The following TLL1 variants were observed in gnomAD, a reference collection of about 807,000 sequenced individuals.
TLL1 encodes tolloid like 1.
Under a neutral mutation model 128.2 loss-of-function variants are expected in TLL1, and 49 were observed. The ratio of observed to expected loss-of-function variants is 0.38; its 90% CI spans 0.30 to 0.48. The LOEUF is 0.48. TLL1 is among the 20% of genes least tolerant of loss of function. The pLI is 0.96. For synonymous variants in TLL1, 454 were observed against 418.8 expected (o/e 1.08, Z -1.03); for missense variants, 1,123 against 1,242.0 (o/e 0.90, Z 1.44).
At chr4:165,997,961 T>C (rs1191743601) in intron 5 of TLL1, among the ~76,000 whole-genome samples, 1 of 152,156 alleles carries the variant, frequency 6.6e-6, no homozygotes, top group Non-Finnish European at 1.5e-5. Context: ...TTATTTACAT[T>C]TGCATTTAGT....
chr4:165,976,772 C>T (rs190581818), intron 1 of TLL1, among the ~76,000 whole-genome samples: 3 of 152,312 alleles, frequency 2.0e-5, no homozygotes, highest in Non-Finnish European at 2.9e-5. Context: ...AGGTTCTTTA[C>T]ATGGAACTGG....
chr4:165,974,565 A>G lies in TLL1; in HGVS notation c.170-14816A>G, dbSNP rs546902286. Among the ~76,000 whole-genome samples the G allele has an allele frequency of 2.5e-4, 38 of 152,308 alleles. 1 individual carries two copies. Among genetic ancestry groups the G allele is most frequent in the Middle Eastern group, 3.4e-3 (1 of 294 alleles). ...CATTAATTGTGACCAATCTTTTGTT[A>G]ACATTTAACAAGCATTAATGGAGTT... On this transcript the variant is annotated intron_variant, in intron 1 of 20. Transcript: ENST00000061240.
intron 17 of TLL1, among the ~76,000 whole-genome samples, 165 bp downstream of exon 17, chr4:166,075,168 A>G (rs1276694847): frequency 2.0e-5 from 3 of 152,230 alleles, no homozygotes; most frequent in Non-Finnish European, 4.4e-5. Flanking sequence ...TCCAAGGCAG[A>G]TGACTGGATC....
chr4:165,956,078 A>C (rs2110948951), intron 1 of TLL1, among the ~76,000 whole-genome samples: 1 of 152,250 alleles, frequency 6.6e-6, no homozygotes, highest in East Asian at 1.9e-4. Context: ...TCAAAGGGCA[A>C]AAAGCAGAAC....
intron 1 of TLL1, among the ~76,000 whole-genome samples, chr4:165,952,445 T>C (rs901677279): frequency 3.3e-5 from 5 of 152,106 alleles, no homozygotes; most frequent in African/African-American, 9.7e-5. Context: ...TAAACAATGG[T>C]TTGAATAGTT....
At chr4:166,028,526 T>G (rs1208878343) in intron 9 of TLL1, among the ~76,000 whole-genome samples, 2 of 152,042 alleles carry the variant, frequency 1.3e-5, no homozygotes, top group East Asian at 3.9e-4. Context: ...TTAATTGTGA[T>G]GCTCATAGAT....
At chr4:166,061,559 T>C (rs1740315319) in intron 15 of TLL1, among the ~76,000 whole-genome samples, 1 of 152,056 alleles carries the variant, frequency 6.6e-6, no homozygotes, top group Non-Finnish European at 1.5e-5. Context: ...TCCTTTTAAT[T>C]ACTTTTTTTC....
At chr4:166,039,233 ACATGC>A in intron 9 of TLL1, 101 bp from the exon 10 acceptor site, 1 of 747,952 alleles carries the variant, frequency 1.3e-6, no homozygotes, top group South Asian at 1.5e-5. Flanking sequence ...AATTAGCTGC[ACATGC>A]ATTTTTACTG....
At chr4:165,962,573 T>C (rs1044893903) in intron 1 of TLL1, among the ~76,000 whole-genome samples, 1 of 152,170 alleles carries the variant, frequency 6.6e-6, no homozygotes, top group African/African-American at 2.4e-5. Context: ...TTACTGGGTA[T>C]ATACCCAAAG....
At chr4:165,938,518 A>C (rs1733865178) in intron 1 of TLL1, among the ~76,000 whole-genome samples, 1 of 152,102 alleles carries the variant, frequency 6.6e-6, no homozygotes, top group Admixed American at 6.6e-5. Context: ...ACAACTCATT[A>C]GTTGAATACT....
chr4:166,003,154 T>G (rs1455749334), intron 5 of TLL1, among the ~76,000 whole-genome samples: 1 of 152,210 alleles, frequency 6.6e-6, no homozygotes, highest in Non-Finnish European at 1.5e-5. Flanking sequence ...GATGTAAGCA[T>G]ATTTTCTAAT....
In TLL1 at chr4:165,877,537, T is replaced by C. The variant is rs1730769564; in HGVS notation, c.169+3464T>C. Reference sequence around the variant, plus strand: ...TTCCAGAGCAGAGACTGAGGTGTCCTGTTTCATTGTTGTACTATAGAAATA... The same window carrying C: ...TTCCAGAGCAGAGACTGAGGTGTCCCGTTTCATTGTTGTACTATAGAAATA... On this transcript the variant is annotated intron_variant, in intron 1 of 20. Coordinates refer to ENST00000061240, the MANE Select transcript of TLL1 (RefSeq NM_012464.5). Among the ~76,000 whole-genome samples, 11 of 152,376 alleles carry C rather than the reference T, an allele frequency of 7.2e-5. No individual in the cohort carries two copies. The South Asian group carries it at 2.3e-3, about 32-fold the overall frequency.
chr4:165,980,499 A>G (rs552945951), intron 1 of TLL1, among the ~76,000 whole-genome samples: 2 of 152,276 alleles, frequency 1.3e-5, no homozygotes, highest in East Asian at 3.9e-4. Context: ...AAAGTAATTC[A>G]AACGTGCAGC....
At chr4:165,958,116 G>C (rs1298828294) in intron 1 of TLL1, among the ~76,000 whole-genome samples, 2 of 142,054 alleles carry the variant, frequency 1.4e-5, no homozygotes, top group Non-Finnish European at 3.1e-5. Flanking sequence ...ATCATTGTTG[G>C]ACATTTGGGT....
chr4:166,092,150 G>A (rs1741804908), intron 19 of TLL1, among the ~76,000 whole-genome samples: 1 of 151,944 alleles, frequency 6.6e-6, no homozygotes, highest in African/African-American at 2.4e-5. Flanking sequence ...TTGCCTTGGT[G>A]GAAAACACAG....
At chr4:166,097,769 A>G (rs1742090537) in intron 19 of TLL1, among the ~76,000 whole-genome samples, 2 of 152,108 alleles carry the variant, frequency 1.3e-5, no homozygotes, top group Admixed American at 6.6e-5. Context: ...TCACAGTATT[A>G]CAATCGTACT....
At chr4:165,951,127 A>T (rs1299877711) in intron 1 of TLL1, among the ~76,000 whole-genome samples, 1 of 152,178 alleles carries the variant, frequency 6.6e-6, no homozygotes, top group African/African-American at 2.4e-5. Context: ...AGTTCTATGC[A>T]CATACATTTG....
At chr4:165,960,641 A>G (rs767276828) in intron 1 of TLL1, among the ~76,000 whole-genome samples, 7 of 152,236 alleles carry the variant, frequency 4.6e-5, no homozygotes, top group Non-Finnish European at 1.0e-4. Flanking sequence ...TATTCCTGGG[A>G]TGCAAGGTTG....
chr4:166,098,332 CT>C (rs1171188682), intron 19 of TLL1, among the ~76,000 whole-genome samples: 4 of 20,308 alleles, frequency 2.0e-4, no homozygotes, highest in Non-Finnish European at 4.1e-4. Flanking sequence ...GAGAGTTCTT[CT>C]CAAAAAAAAA....
Sources: gnomAD v4.1 joint callset for allele counts (sites outside exome capture counted in the v4.1 genomes callset) on GRCh38, gnomAD v4.1.1 for gene constraint, MANE v1.5 for transcripts, NCBI Gene and HGNC (gene_info 2026-07-23, HGNC 2026-07-21) for gene names.